Variants in HDAC9 observed in about 807,000 individuals in gnomAD.
HDAC9 encodes MEF-2 interacting transcription repressor (MITR) protein.
Under a neutral mutation model 139.4 loss-of-function variants are expected in HDAC9, and 41 were observed. The observed-to-expected ratio is 0.29, with a 90% CI of 0.23 to 0.38. HDAC9 has a LOEUF of 0.38. Among genes scored for constraint, HDAC9 ranks in the 10% least tolerant of loss-of-function variants. The pLI, the probability that HDAC9 is intolerant of heterozygous loss-of-function variation, is 1.00. For missense variants in HDAC9, 1,147 were observed against 1,297.0 expected, an observed-to-expected ratio of 0.88 and a Z score of 1.78; for synonymous variants, 517 against 476.2, an observed-to-expected ratio of 1.09 and a Z score of -1.12.
rs73069042 is a variant in HDAC9, at chr7:18,687,557, C to T, written c.1731+21081C>T. ...TGCATTCTTTTATTTTTCACATCTC[C>T]GGGTATAGTAGTAGATGCAGGACAT... is the stretch of plus-strand genomic sequence containing the variant. On this transcript the variant is annotated intron_variant, in intron 12 of 25. Coordinates refer to ENST00000686413, the MANE Select transcript of HDAC9 (RefSeq NM_178425.4). 2.4e-3 allele frequency among the ~76,000 whole-genome samples: 368 copies of T among 151,758 alleles called. 2 individuals are homozygous for T. The highest frequency in any genetic ancestry group is 3.6e-3 in the Admixed American group (55 of 15,216).
chr7:18,844,123 A>T (rs1017641152), intron 21 of HDAC9, among the ~76,000 whole-genome samples: 1 of 152,220 alleles, frequency 6.6e-6, no homozygotes, highest in Non-Finnish European at 1.5e-5. Flanking sequence ...GCAGAAATTT[A>T]AACTTTTCTG....
chr7:18,269,558 G>A (rs113877123), intron 2 of HDAC9, among the ~76,000 whole-genome samples: 2 of 152,052 alleles, frequency 1.3e-5, no homozygotes, highest in South Asian at 2.1e-4. Flanking sequence ...CATTGTGTTC[G>A]AAATATGAGC....
At chr7:18,780,714 A>G (rs1791177231) in intron 16 of HDAC9, among the ~76,000 whole-genome samples, 1 of 152,000 alleles carries the variant, frequency 6.6e-6, no homozygotes, top group Non-Finnish European at 1.5e-5. Flanking sequence ...AAAGAACAGT[A>G]TCACTATAGG....
At chr7:18,202,401 T>C (rs968681719) in intron 2 of HDAC9, among the ~76,000 whole-genome samples, 2 of 152,218 alleles carry the variant, frequency 1.3e-5, no homozygotes, top group African/African-American at 2.4e-5. Context: ...TTCCTTCAGA[T>C]TTCTTGCCTT....
At chr7:18,929,564 G>A (rs933480772) in intron 22 of HDAC9, among the ~76,000 whole-genome samples, 1 of 152,144 alleles carries the variant, frequency 6.6e-6, no homozygotes, top group Non-Finnish European at 1.5e-5. Flanking sequence ...TTCTTTAGTA[G>A]TAGATGTGGT....
At chr7:18,135,750 C>T (rs1459779542) in intron 1 of HDAC9, among the ~76,000 whole-genome samples, 2 of 148,564 alleles carry the variant, frequency 1.3e-5, no homozygotes, top group African/African-American at 2.5e-5. Flanking sequence ...GTGAATAATG[C>T]CACAATAAAC....
Position 18,623,401 on chromosome 7 carries a change from A to G in HDAC9, c.665-5949A>G, listed in dbSNP as rs187902422. The stretch of plus-strand genomic sequence containing the variant: ...TTACACTAGGCAAAGGAGTGTACCA[A>G]TTGCAGCCATCTCTCTCTCTACTTA... On this transcript the variant is annotated intron_variant, in intron 6 of 25. Coordinates refer to ENST00000686413, the MANE Select transcript of HDAC9 (RefSeq NM_178425.4). Among the ~76,000 whole-genome samples, 778 of 152,262 alleles carry G rather than the reference A, an allele frequency of 5.1e-3. 2 individuals are homozygous for G. The highest frequency in any genetic ancestry group is 7.9e-3 in the Non-Finnish European group (540 of 68,018).
intron 12 of HDAC9, among the ~76,000 whole-genome samples, chr7:18,724,651 G>A (rs533119329): frequency 7.9e-5 from 12 of 152,262 alleles, no homozygotes; most frequent in Non-Finnish European, 1.3e-4. Flanking sequence ...AGGCTCATAC[G>A]TCAGTAGGTG....
chr7:18,416,656 CTTCAAG>C (rs1789095667), intron 1 of HDAC9, among the ~76,000 whole-genome samples: 1 of 151,866 alleles, frequency 6.6e-6, no homozygotes, highest in African/African-American at 2.4e-5. Flanking sequence ...AGTTTGTCCT[CTTCAAG>C]TTCTTCAATT....
At chr7:18,193,540 A>T (rs1276416207) in intron 2 of HDAC9, among the ~76,000 whole-genome samples, 1 of 152,188 alleles carries the variant, frequency 6.6e-6, no homozygotes, top group African/African-American at 2.4e-5. Flanking sequence ...ATATAACACA[A>T]TATGCTACTT....
chr7:18,765,388 G>A (rs574143535), intron 15 of HDAC9, among the ~76,000 whole-genome samples: 83 of 152,158 alleles, frequency 5.5e-4, no homozygotes, highest in African/African-American at 1.7e-3. Context: ...TTGGGAGGCC[G>A]AGACAGGAGG....
intron 1 of HDAC9, among the ~76,000 whole-genome samples, chr7:18,329,831 T>C (rs1311009554): frequency 1.3e-5 from 2 of 151,834 alleles, no homozygotes; most frequent in African/African-American, 4.8e-5. Context: ...GCTCTCTAGC[T>C]TAGTGCCTGG....
At chr7:18,843,667 T>G (rs1005082547) in intron 21 of HDAC9, among the ~76,000 whole-genome samples, 1 of 152,160 alleles carries the variant, frequency 6.6e-6, no homozygotes, top group Non-Finnish European at 1.5e-5. Flanking sequence ...GTGAATTTTT[T>G]TTTTTGAAAC....
At chr7:18,782,012 A>T (rs534761830) in intron 16 of HDAC9, among the ~76,000 whole-genome samples, 16 of 152,240 alleles carry the variant, frequency 1.1e-4, no homozygotes, top group African/African-American at 3.8e-4. Context: ...CAATACTGCA[A>T]TGAAAAACCT....
chr7:18,410,581 A>C (rs982408573), intron 1 of HDAC9, among the ~76,000 whole-genome samples: 1 of 152,230 alleles, frequency 6.6e-6, no homozygotes, highest in Non-Finnish European at 1.5e-5. Flanking sequence ...ACTATATTTT[A>C]ATAAAGACTT....
chr7:18,733,650 A>AAT (rs1187107723), intron 13 of HDAC9, among the ~76,000 whole-genome samples: 4 of 151,722 alleles, frequency 2.6e-5, no homozygotes, highest in Admixed American at 2.6e-4. Context: ...ATAGTTATAT[A>AAT]ATACATATTA....
intron 17 of HDAC9, among the ~76,000 whole-genome samples, chr7:18,822,345 T>TG (rs1468673358): frequency 4.0e-5 from 5 of 123,634 alleles, no homozygotes; most frequent in Non-Finnish European, 7.2e-5. Flanking sequence ...TTTGTTTGTT[T>TG]GTTTGTTGTT....
At chr7:18,943,468 T>C (rs1782159858) in intron 23 of HDAC9, among the ~76,000 whole-genome samples, 2 of 152,116 alleles carry the variant, frequency 1.3e-5, no homozygotes, top group South Asian at 4.1e-4. Flanking sequence ...GTGACTGCCA[T>C]AGATGTTTAA....
At chr7:18,194,410 T>C (rs1790588579) in intron 2 of HDAC9, among the ~76,000 whole-genome samples, 1 of 152,152 alleles carries the variant, frequency 6.6e-6, no homozygotes. Context: ...TTTATCATTT[T>C]AACATATTTT....
Sources: allele counts gnomAD v4.1 joint callset (sites outside exome capture counted in the v4.1 genomes callset), GRCh38; gene constraint gnomAD v4.1.1; transcripts MANE v1.5; gene names NCBI Gene and HGNC (gene_info 2026-07-23, HGNC 2026-07-21).